The following UTF1 variants were observed in gnomAD, a reference collection of about 807,000 sequenced individuals.
The protein encoded by UTF1 is undifferentiated embryonic cell transcription factor 1.
A neutral mutation model predicts 11.8 loss-of-function variants in UTF1; 8 were observed. That is an observed-to-expected ratio of 0.68 (90% CI 0.40 to 1.23). The LOEUF (loss-of-function observed/expected upper bound fraction) is 1.23. UTF1 is among the 50% of genes most tolerant of loss of function. The pLI is 0.01. For missense variants in UTF1, 545 were observed against 542.1 expected, an observed-to-expected ratio of 1.01 and a Z score of -0.05; for synonymous variants, 344 against 271.7, an observed-to-expected ratio of 1.27 and a Z score of -2.62.
rs1406275740 is a variant in UTF1, at chr10:133,231,317, C to T, written c.901C>T (p.Leu301=). ...NILGPLRDQL[L]TLNQHVEQLR... ...CCTGGGCCCGCTGCGCGACCAGCTG[C>T]TGACCTTGAACCAGCACGTGGAGCA... The change falls in exon 2 of 2, where the codon CTG becomes TTG. Residue 301 remains leucine, a synonymous_variant. Coordinates refer to ENST00000304477, the MANE Select transcript of UTF1 (RefSeq NM_003577.3). 2 of 1,598,632 alleles carry T rather than the reference C, an allele frequency of 1.3e-6. No homozygotes were observed. Among genetic ancestry groups the T allele is most frequent in the Admixed American group, 1.7e-5 (1 of 59,024 alleles).
Position 133,230,996 on chromosome 10 carries a change from C to T in UTF1, c.580C>T (p.Arg194Cys). The T allele has an allele frequency of 2.2e-6, 3 of 1,333,690 alleles. No individual in the cohort carries two copies. The highest frequency in any genetic ancestry group is 3.2e-5 in the East Asian group (1 of 31,426). 82.6% of individuals were successfully genotyped at this position (1,333,690 alleles called of 1,614,324 possible). A position where few individuals can be genotyped will look rare whatever the true frequency, so the allele number is the denominator to read the frequency against. ...CACCCCGCTGCCCACCGCCCGCGAC[C>T]GCGACGCGGACCCCACCTGGACGCT... is the stretch of plus-strand genomic sequence containing the variant. ...DATPLPTARDRDADPTWTLRF... is the reference protein window; with the variant it reads ...DATPLPTARDCDADPTWTLRF... Residue 194 changes from arginine to cysteine, a missense_variant, in exon 2 of 2, where the codon CGC becomes TGC. Arg to Cys is a radical substitution (Grantham distance 180). Around this residue, in one of 3 missense-constraint regions of UTF1, gnomAD observed 394 missense variants for 341.5 expected, o/e 1.15. Transcript: ENST00000304477.
rs762314676 is a variant in UTF1, at chr10:133,231,251, C to T, written c.835C>T (p.Leu279=). The T allele has an allele frequency of 3.4e-5, 53 of 1,569,024 alleles. No individual in the cohort carries two copies. In the South Asian group the frequency reaches 3.6e-4, roughly 11 times the overall value. ...CGCGCCCCCGTCGCTGAACACCGCCCTGCTGCAGACCCTGGGGCACCTGGG... is the reference window on the plus strand; with the variant it reads ...CGCGCCCCCGTCGCTGAACACCGCCTTGCTGCAGACCCTGGGGCACCTGGG... The part of the protein sequence containing the change: ...PAAPPSLNTA[L]LQTLGHLGDI... The change falls in exon 2 of 2, where the codon CTG becomes TTG. Residue 279 remains leucine (L), a synonymous_variant. Transcript: ENST00000304477.
chr10:133,230,598 C>T lies in UTF1; in HGVS notation c.310C>T (p.Gln104Ter). 7.1e-7 allele frequency: 1 copy of T among 1,412,526 alleles called. No homozygotes were observed. Among genetic ancestry groups the T allele is most frequent in the African/African-American group, 1.5e-5 (1 of 66,718 alleles). 87.5% of individuals were successfully genotyped at this position (1,412,526 alleles called of 1,614,324 possible). A position where few individuals can be genotyped will look rare whatever the true frequency, so the allele number is the denominator to read the frequency against. ...CCGCCGCGTGTCGGCCGCGCTGGCCCAGCAGCAGGTGCGCCGCACCCCCGC... is the reference window on the plus strand; with the variant it reads ...CCGCCGCGTGTCGGCCGCGCTGGCCTAGCAGCAGGTGCGCCGCACCCCCGC... ...TYRRVSAALAQQQVRRTPAQC... is the reference protein window; with the variant it reads ...TYRRVSAALA Residue 104 changes from glutamine (Q) to a stop codon, truncating the protein, a stop_gained, in exon 1 of 2, where the codon CAG becomes TAG. Transcript: ENST00000304477. LOFTEE classifies it high-confidence loss of function.
At position 133,230,998 on chromosome 10, in the gene UTF1, C is replaced by T. The variant is rs1224710059; in HGVS notation, c.582C>T (p.Arg194=). The change falls in exon 2 of 2, where the codon CGC becomes CGT. Residue 194 remains arginine, a synonymous_variant. Transcript: ENST00000304477. The part of the protein sequence containing the change: ...DATPLPTARD[R]DADPTWTLRF... ...CCCCGCTGCCCACCGCCCGCGACCGCGACGCGGACCCCACCTGGACGCTCC... is the reference window on the plus strand; with the variant it reads ...CCCCGCTGCCCACCGCCCGCGACCGTGACGCGGACCCCACCTGGACGCTCC... The T allele has an allele frequency of 7.5e-7, 1 of 1,333,122 alleles. No homozygotes were observed. The highest frequency in any genetic ancestry group is 3.2e-5 in the East Asian group (1 of 31,412). 82.6% of individuals were successfully genotyped at this position (1,333,122 alleles called of 1,614,324 possible).
rs1390388738 is a variant in UTF1 at position 133,230,539 on chromosome 10, T to C, written c.251T>C (p.Leu84Pro). The change falls in exon 1 of 2, where the codon CTG becomes CCG. Residue 84 changes from leucine (L) to proline (P), a missense_variant. This residue lies in a region of UTF1 where 129 missense variants were observed against 148.5 expected (regional missense o/e 0.87). Coordinates refer to ENST00000304477, the MANE Select transcript of UTF1 (RefSeq NM_003577.3). ...CTGCAACCGGCCGTGTGGCGCGCGCTGCTCCTGGACCGCCGCCAGGCCCTG... is the reference window on the plus strand; with the variant it reads ...CTGCAACCGGCCGTGTGGCGCGCGCCGCTCCTGGACCGCCGCCAGGCCCTG... ...TLLQPAVWRALLLDRRQALPT... is the reference protein window; with the variant it reads ...TLLQPAVWRAPLLDRRQALPT... The C allele has an allele frequency of 1.4e-6, 2 of 1,441,446 alleles. No homozygotes were observed. Among genetic ancestry groups the C allele is most frequent in the Non-Finnish European group, 1.8e-6 (2 of 1,100,016 alleles). 89.3% of individuals were successfully genotyped at this position (1,441,446 alleles called of 1,614,324 possible).
In UTF1 at chr10:133,230,748, C is replaced by A; in HGVS notation, c.460C>A (p.Arg154=). The A allele has an allele frequency of 7.1e-7, 1 of 1,410,018 alleles. No individual in the cohort carries two copies. Among genetic ancestry groups the A allele is most frequent in the Non-Finnish European group, 9.2e-7 (1 of 1,083,062 alleles). 87.3% of individuals were successfully genotyped at this position (1,410,018 alleles called of 1,614,324 possible). A position where few individuals can be genotyped will look rare whatever the true frequency, so the allele number is the denominator to read the frequency against. Residue 154 remains arginine, a synonymous_variant, in exon 1 of 2, where the codon CGG becomes AGG. Coordinates refer to ENST00000304477, the MANE Select transcript of UTF1 (RefSeq NM_003577.3). ...MGLLGDNGRK[R]PRRRSPGSGR... ...GCTGCTGGGCGACAACGGGCGCAAA[C>A]GGCCTCGCCGCCGCTCCCCGGGGTC...
At position 133,230,633 on chromosome 10, in the gene UTF1, C is replaced by A; in HGVS notation, c.345C>A (p.Arg115=). The change falls in exon 1 of 2, where the codon CGC becomes CGA. Residue 115 remains arginine (R), a synonymous_variant. Transcript: ENST00000304477. The part of the protein sequence containing the change: ...QQVRRTPAQC[R]RRYKFLKDKF... ...TGCGCCGCACCCCCGCGCAGTGCCG[C>A]CGCCGCTACAAGTTCCTTAAAGACA... The A allele has an allele frequency of 6.8e-7, 1 of 1,463,994 alleles. No individual in the cohort carries two copies. The highest frequency in any genetic ancestry group is 9.0e-7 in the Non-Finnish European group (1 of 1,115,096). The allele number at this position is 1,463,994 out of a possible 1,614,324, so 90.7% of individuals were successfully genotyped here. A position where few individuals can be genotyped will look rare whatever the true frequency, so the allele number is the denominator to read the frequency against.
Position 133,230,995 on chromosome 10 carries a change from C to T in UTF1, c.579C>T (p.Asp193=), listed in dbSNP as rs1845792117. The T allele has an allele frequency of 2.2e-6, 3 of 1,333,814 alleles. No individual in the cohort carries two copies. The highest frequency in any genetic ancestry group is 9.6e-7 in the Non-Finnish European group (1 of 1,045,802). 82.6% of individuals were successfully genotyped at this position (1,333,814 alleles called of 1,614,324 possible). A position where few individuals can be genotyped will look rare whatever the true frequency, so the allele number is the denominator to read the frequency against. The change falls in exon 2 of 2, where the codon GAC becomes GAT. Residue 193 remains aspartate (D), a synonymous_variant. Transcript: ENST00000304477. ...CCACCCCGCTGCCCACCGCCCGCGA[C>T]CGCGACGCGGACCCCACCTGGACGC... is the stretch of plus-strand genomic sequence containing the variant. The part of the protein sequence containing the change: ...PDATPLPTAR[D]RDADPTWTLR...
rs1426236626 is a variant in UTF1 at position 133,230,682 on chromosome 10, C to T, written c.394C>T (p.Pro132Ser). 4 of 1,485,912 alleles carry T rather than the reference C, an allele frequency of 2.7e-6. No individual in the cohort carries two copies. Among genetic ancestry groups the T allele is most frequent in the Admixed American group, 4.6e-5 (2 of 43,832 alleles). 92.0% of individuals were successfully genotyped at this position (1,485,912 alleles called of 1,614,324 possible). A position where few individuals can be genotyped will look rare whatever the true frequency, so the allele number is the denominator to read the frequency against. The stretch of plus-strand genomic sequence containing the variant: ...CAAGTTTCGCGAGGCGCACGGCCAG[C>T]CGCCCGGGCCCTTCGACGAGCAGAT... Reference protein sequence around the residue: ...KDKFREAHGQPPGPFDEQIRK... With the variant: ...KDKFREAHGQSPGPFDEQIRK... Residue 132 changes from proline to serine, a missense_variant, in exon 1 of 2, where the codon CCG (proline) becomes TCG (serine). Pro to Ser is a moderately conservative substitution (Grantham distance 74). This residue lies in a region of UTF1 where 394 missense variants were observed against 341.5 expected (regional missense o/e 1.15). Coordinates refer to ENST00000304477, the MANE Select transcript of UTF1 (RefSeq NM_003577.3).
In UTF1 at chr10:133,231,071, G is replaced by T; in HGVS notation, c.655G>T (p.Gly219Cys). The change falls in exon 2 of 2, where the codon GGC becomes TGC. Residue 219 changes from glycine to cysteine, a missense_variant. By Grantham distance (159) the Gly-to-Cys change is radical. Transcript: ENST00000304477. ...GTCTGCGGACGCCTCCCCCGCCCCC[G>T]GCTCCCCGCCAGCTCCCGCCCCGAC... ...PKSADASPAP[G>C]SPPAPAPTAL... The T allele has an allele frequency of 1.8e-6, 1 of 566,130 alleles. No individual in the cohort carries two copies. Among genetic ancestry groups the T allele is most frequent in the Non-Finnish European group, 2.3e-6 (1 of 428,824 alleles). The allele number at this position is 566,130 out of a possible 1,614,324, so 35.1% of individuals were successfully genotyped here.
rs1845784233 is a variant in UTF1 at position 133,230,552 on chromosome 10, C to T, written c.264C>T (p.Arg88=). 7.0e-7 allele frequency: 1 copy of T among 1,427,450 alleles called. No homozygotes were observed. The highest frequency in any genetic ancestry group is 9.1e-7 in the Non-Finnish European group (1 of 1,093,300). The allele number at this position is 1,427,450 out of a possible 1,614,324, so 88.4% of individuals were successfully genotyped here. The change falls in exon 1 of 2, where the codon CGC becomes CGT. Residue 88 remains arginine (R), a synonymous_variant. Transcript: ENST00000304477. ...PAVWRALLLD[R]RQALPTYRRV... ...TGTGGCGCGCGCTGCTCCTGGACCGCCGCCAGGCCCTGCCCACCTACCGCC... is the reference window on the plus strand; with the variant it reads ...TGTGGCGCGCGCTGCTCCTGGACCGTCGCCAGGCCCTGCCCACCTACCGCC...
rs564291939 is a variant in UTF1, at chr10:133,230,775, G to A, written c.487G>A (p.Gly163Arg). 734 of 1,355,826 alleles carry A rather than the reference G, an allele frequency of 5.4e-4. 17 individuals carry two copies. In the South Asian group the frequency reaches 8.6e-3, roughly 16 times the overall value. The allele number at this position is 1,355,826 out of a possible 1,614,324, so 84.0% of individuals were successfully genotyped here. The change falls in exon 1 of 2, where the codon GGG becomes AGG. Residue 163 changes from glycine (G) to arginine (R), a missense_variant. Gly to Arg is a moderately radical substitution (Grantham distance 125, BLOSUM62 -2). Around this residue, in one of 3 missense-constraint regions of UTF1, gnomAD observed 394 missense variants for 341.5 expected, o/e 1.15. Coordinates refer to ENST00000304477, the MANE Select transcript of UTF1 (RefSeq NM_003577.3). ...KRPRRRSPGS[G>R]RPQRARRPVP... ...GCCTCGCCGCCGCTCCCCGGGGTCC[G>A]GGCGCCCCCAGCGCGCCCGCCGCCC...
Position 133,231,192 on chromosome 10 carries a change from C to T in UTF1, c.776C>T (p.Pro259Leu). Reference protein sequence around the residue: ...PPAREDPDSPPGRPEDCAPPP... With the variant: ...PPAREDPDSPLGRPEDCAPPP... Reference sequence around the variant, plus strand: ...GCCCGCGAAGACCCCGACTCGCCGCCCGGCCGCCCCGAGGACTGCGCGCCC... The same window carrying T: ...GCCCGCGAAGACCCCGACTCGCCGCTCGGCCGCCCCGAGGACTGCGCGCCC... The change falls in exon 2 of 2, where the codon CCC becomes CTC. Residue 259 changes from proline (P) to leucine (L), a missense_variant. By Grantham distance (98) the Pro-to-Leu change is moderately conservative. Coordinates refer to ENST00000304477, the MANE Select transcript of UTF1 (RefSeq NM_003577.3). 7.2e-7 allele frequency: 1 copy of T among 1,392,050 alleles called. No individual in the cohort carries two copies. The highest frequency in any genetic ancestry group is 1.5e-5 in the African/African-American group (1 of 66,414). The allele number at this position is 1,392,050 out of a possible 1,614,324, so 86.2% of individuals were successfully genotyped here. A position where few individuals can be genotyped will look rare whatever the true frequency, so the allele number is the denominator to read the frequency against.
In UTF1 at chr10:133,231,476, C is replaced by T. The variant is rs761924830; in HGVS notation, c.*34C>T. The T allele has an allele frequency of 5.7e-6, 8 of 1,403,308 alleles. No individual in the cohort carries two copies. The highest frequency in any genetic ancestry group is 6.5e-6 in the Non-Finnish European group (7 of 1,075,582). The allele number at this position is 1,403,308 out of a possible 1,614,324, so 86.9% of individuals were successfully genotyped here. A position where few individuals can be genotyped will look rare whatever the true frequency, so the allele number is the denominator to read the frequency against. ...TGCGGCCAGTCTCCCCTCTCCAGGC[C>T]GAGGCCCCTCCGCCCTGACCCCTCC... On this transcript the variant is annotated 3_prime_UTR_variant, in exon 2 of 2. Transcript: ENST00000304477.
At position 133,230,632 on chromosome 10, in the gene UTF1, G is replaced by A. The variant is rs1283431268; in HGVS notation, c.344G>A (p.Arg115His). 1.4e-6 allele frequency: 2 copies of A among 1,460,264 alleles called. No individual in the cohort carries two copies. The highest frequency in any genetic ancestry group is 1.8e-6 in the Non-Finnish European group (2 of 1,113,038). The allele number at this position is 1,460,264 out of a possible 1,614,324, so 90.5% of individuals were successfully genotyped here. ...QQVRRTPAQC[R>H]RRYKFLKDKF... ...GTGCGCCGCACCCCCGCGCAGTGCC[G>A]CCGCCGCTACAAGTTCCTTAAAGAC... Residue 115 changes from arginine to histidine, a missense_variant, in exon 1 of 2, where the codon CGC becomes CAC. This residue lies in a region of UTF1 where 22 missense variants were observed against 52.1 expected (regional missense o/e 0.42). Transcript: ENST00000304477.
chr10:133,231,416 G>T lies in UTF1; in HGVS notation c.1000G>T (p.Gly334Trp). Residue 334 changes from glycine (G) to tryptophan (W), a missense_variant, in exon 2 of 2, where the codon GGG becomes TGG. Coordinates refer to ENST00000304477, the MANE Select transcript of UTF1 (RefSeq NM_003577.3). Reference sequence around the variant, plus strand: ...TCTGGGCAGCGCGGCCGCCGAGCGAGGGGTCCTCAGGGACCCGTGCCAGTG... The same window carrying T: ...TCTGGGCAGCGCGGCCGCCGAGCGATGGGTCCTCAGGGACCCGTGCCAGTG... ...FILGSAAAER[G>W]VLRDPCQ 3 of 1,527,608 alleles carry T rather than the reference G, an allele frequency of 2.0e-6. No homozygotes were observed. Among genetic ancestry groups the T allele is most frequent in the Non-Finnish European group, 8.8e-7 (1 of 1,142,156 alleles). The allele number at this position is 1,527,608 out of a possible 1,614,324, so 94.6% of individuals were successfully genotyped here.
In UTF1 at chr10:133,231,132, C is replaced by A; in HGVS notation, c.716C>A (p.Pro239His). 1 of 1,230,262 alleles carries A rather than the reference C, an allele frequency of 8.1e-7. No homozygotes were observed. Among genetic ancestry groups the A allele is most frequent in the Non-Finnish European group, 1.0e-6 (1 of 990,086 alleles). 76.2% of individuals were successfully genotyped at this position (1,230,262 alleles called of 1,614,324 possible). The part of the protein sequence containing the change: ...LATCIPEDRA[P>H]VRGPGSPPPP... Reference sequence around the variant, plus strand: ...ACCTGCATCCCCGAGGACCGCGCGCCCGTCCGCGGCCCCGGGTCCCCGCCG... The same window carrying A: ...ACCTGCATCCCCGAGGACCGCGCGCACGTCCGCGGCCCCGGGTCCCCGCCG... The change falls in exon 2 of 2, where the codon CCC becomes CAC. Residue 239 changes from proline to histidine, a missense_variant. By Grantham distance (77) the Pro-to-His change is moderately conservative. Transcript: ENST00000304477.
chr10:133,230,993 G>T lies in UTF1; in HGVS notation c.577G>T (p.Asp193Tyr). The T allele has an allele frequency of 7.5e-7, 1 of 1,332,002 alleles. No homozygotes were observed. The highest frequency in any genetic ancestry group is 3.8e-5 in the Admixed American group (1 of 26,070). 82.5% of individuals were successfully genotyped at this position (1,332,002 alleles called of 1,614,324 possible). ...PDATPLPTARDRDADPTWTLR... is the reference protein window; with the variant it reads ...PDATPLPTARYRDADPTWTLR... ...CGCCACCCCGCTGCCCACCGCCCGC[G>T]ACCGCGACGCGGACCCCACCTGGAC... Residue 193 changes from aspartate to tyrosine, a missense_variant, in exon 2 of 2, where the codon GAC (aspartate) becomes TAC (tyrosine). Coordinates refer to ENST00000304477, the MANE Select transcript of UTF1 (RefSeq NM_003577.3).
Position 133,231,456 on chromosome 10 carries a change from C to T in UTF1, c.*14C>T. 2 of 1,442,206 alleles carry T rather than the reference C, an allele frequency of 1.4e-6. No homozygotes were observed. The highest frequency in any genetic ancestry group is 1.8e-6 in the Non-Finnish European group (2 of 1,099,272). 89.3% of individuals were successfully genotyped at this position (1,442,206 alleles called of 1,614,324 possible). On this transcript the variant is annotated 3_prime_UTR_variant, in exon 2 of 2. Transcript: ENST00000304477. The stretch of plus-strand genomic sequence containing the variant: ...CCGTGCCAGTGAGTCCCGGCTGCGG[C>T]CAGTCTCCCCTCTCCAGGCCGAGGC...
Sources: gnomAD v4.1 joint callset for allele counts on GRCh38, gnomAD v4.1.1 for gene constraint, gnomAD v4.1.1 regional missense constraint, MANE v1.5 for transcripts, NCBI Gene and HGNC (gene_info 2026-07-23, HGNC 2026-07-21) for gene names.